The following GOLGA7 variants were observed in gnomAD, a reference collection of about 807,000 sequenced individuals.
GOLGA7 encodes golgin subfamily A member 7.
A neutral mutation model predicts 21.1 loss-of-function variants in GOLGA7; 10 were observed. That is an observed-to-expected ratio of 0.47 (90% CI 0.29 to 0.80). The LOEUF (loss-of-function observed/expected upper bound fraction) is 0.80, where lower values mean the gene tolerates loss of function less well. Ranked by LOEUF, GOLGA7 falls within the 30% of genes least tolerant of loss-of-function variation. GOLGA7 has a pLI of 0.08. For missense variants in GOLGA7, 114 were observed against 166.8 expected, an observed-to-expected ratio of 0.68 and a Z score of 1.74; for synonymous variants, 64 against 62.6, an observed-to-expected ratio of 1.02 and a Z score of -0.10.
rs71521528 is a variant in GOLGA7 at position 41,506,158 on chromosome 8, C to T, written c.366+146C>T. ...GTGAATTGCATACCTACTGTAAACC[C>T]CGTGTCTCCAACATTTTTTTTTAAA... On this transcript the variant is annotated intron_variant, in intron 3 of 4. Transcript: ENST00000357743. 1.0e-3 allele frequency: 522 copies of T among 523,298 alleles called. 1 individual carries two copies. The highest frequency in any genetic ancestry group is 1.5e-3 in the Non-Finnish European group (445 of 299,076). The allele number at this position is 523,298 out of a possible 1,614,324, so 32.4% of individuals were successfully genotyped here.
chr8:41,494,503 G>A (rs540398448), intron 1 of GOLGA7, among the ~76,000 whole-genome samples: 1 of 152,254 alleles, frequency 6.6e-6, no homozygotes, highest in Non-Finnish European at 1.5e-5. Context: ...ACTTATCGGT[G>A]GACAAACTGA....
At chr8:41,505,437 C>G (rs1296646558) in intron 2 of GOLGA7, among the ~76,000 whole-genome samples, 2 of 152,200 alleles carry the variant, frequency 1.3e-5, no homozygotes, top group African/African-American at 4.8e-5. Flanking sequence ...TATATCATTA[C>G]TTTAAATTGA....
intron 3 of GOLGA7, among the ~76,000 whole-genome samples, chr8:41,506,709 TC>T (rs1473048716): frequency 6.6e-6 from 1 of 152,172 alleles, no homozygotes; most frequent in African/African-American, 2.4e-5. Context: ...AAAAAAGTTT[TC>T]ATATAATTTC....
At position 41,510,126 on chromosome 8, in the gene GOLGA7, A is replaced by G. The variant is rs1194644313; in HGVS notation, c.*558A>G. 7 of 152,566 alleles carry G rather than the reference A, an allele frequency of 4.6e-5. No individual in the cohort carries two copies. Among genetic ancestry groups the G allele is most frequent in the Non-Finnish European group, 8.8e-5 (6 of 68,032 alleles). 9.5% of individuals were successfully genotyped at this position (152,566 alleles called of 1,614,324 possible). ...GACTCAAATCTTAAGATCTGTTTCT[A>G]CTATTCAGTTCCTCAAACTGAAGCT... On this transcript the variant is annotated 3_prime_UTR_variant, in exon 5 of 5. Transcript: ENST00000357743.
Position 41,490,702 on chromosome 8 carries a change from G to A in GOLGA7, c.-153G>A, listed in dbSNP as rs1403416546. 2 of 590,634 alleles carry A rather than the reference G, an allele frequency of 3.4e-6. No individual in the cohort carries two copies. The highest frequency in any genetic ancestry group is 3.0e-6 in the Non-Finnish European group (1 of 331,178). The allele number at this position is 590,634 out of a possible 1,614,324, so 36.6% of individuals were successfully genotyped here. On this transcript the variant is annotated 5_prime_UTR_variant, in exon 1 of 5. The change creates a new upstream start codon in the 5' untranslated region. Coordinates refer to ENST00000357743, the MANE Select transcript of GOLGA7 (RefSeq NM_001002296.2). ...GCTAAGGCCCGCGGTGACAGCATGGGTGAAGGGGAGCGGGGCAGAGGAGGC... is the reference window on the plus strand; with the variant it reads ...GCTAAGGCCCGCGGTGACAGCATGGATGAAGGGGAGCGGGGCAGAGGAGGC...
At chr8:41,491,056 G>A in intron 1 of GOLGA7, 91 bp downstream of exon 1, 1 of 772,524 alleles carries the variant, frequency 1.3e-6, no homozygotes, top group South Asian at 1.5e-5. Context: ...GGCCTTTGAG[G>A]GTCCCGCAGT....
chr8:41,501,839 A>G (rs1339931384), intron 2 of GOLGA7, among the ~76,000 whole-genome samples: 4 of 152,258 alleles, frequency 2.6e-5, no homozygotes, highest in Non-Finnish European at 2.9e-5. Context: ...GCAGCTCTCA[A>G]TTAAAAACCT....
chr8:41,501,131 G>A (rs575793348), intron 2 of GOLGA7, among the ~76,000 whole-genome samples: 4 of 152,230 alleles, frequency 2.6e-5, no homozygotes, highest in African/African-American at 9.6e-5. Flanking sequence ...TGAAATAGAA[G>A]TACTGATGTC....
intron 2 of GOLGA7, among the ~76,000 whole-genome samples, chr8:41,501,761 T>A (rs902041672): frequency 1.3e-5 from 2 of 152,202 alleles, no homozygotes; most frequent in African/African-American, 4.8e-5. Flanking sequence ...TCACATATGA[T>A]TTTTTATTTT....
intron 3 of GOLGA7, among the ~76,000 whole-genome samples, chr8:41,506,234 A>G (rs1219043773): frequency 4.0e-5 from 6 of 151,672 alleles, no homozygotes; most frequent in Non-Finnish European, 7.4e-5. Context: ...TTTGTTTACT[A>G]TTCTTGTCAC....
intron 1 of GOLGA7, among the ~76,000 whole-genome samples, chr8:41,493,336 C>T (rs967508649): frequency 9.8e-5 from 15 of 152,312 alleles, no homozygotes; most frequent in Non-Finnish European, 1.9e-4. Flanking sequence ...GAACATCACA[C>T]TTGGCAACAT....
chr8:41,503,733 C>T (rs1806206456), intron 2 of GOLGA7, among the ~76,000 whole-genome samples: 2 of 110,286 alleles, frequency 1.8e-5, no homozygotes, highest in South Asian at 3.1e-4. Flanking sequence ...AGATATGCGG[C>T]ATTATTTCTG....
intron 4 of GOLGA7, among the ~76,000 whole-genome samples, chr8:41,507,971 C>T (rs1005725091): frequency 3.3e-5 from 5 of 152,214 alleles, no homozygotes; most frequent in Admixed American, 6.5e-5. Flanking sequence ...TTTGAGGGCA[C>T]GTACTATGTG....
At chr8:41,505,698 C>T (rs143800509) in intron 2 of GOLGA7, 4 of 437,916 alleles carry the variant, frequency 9.1e-6, no homozygotes, top group Non-Finnish European at 1.6e-5. Context: ...TACATTGTGT[C>T]GAAGATATTT....
At position 41,505,940 on chromosome 8, in the gene GOLGA7, A is replaced by G. The variant is rs1806276059; in HGVS notation, c.294A>G (p.Gln98=). The change falls in exon 3 of 5, where the codon CAA becomes CAG. Residue 98 remains glutamine, a synonymous_variant. Coordinates refer to ENST00000357743, the MANE Select transcript of GOLGA7 (RefSeq NM_001002296.2). Reference sequence around the variant, plus strand: ...TGAAGAAAGTCTCCAAATACATTCAAGAGCAGAATGAGAAGATCTATGCTC... The same window carrying G: ...TGAAGAAAGTCTCCAAATACATTCAGGAGCAGAATGAGAAGATCTATGCTC... ...KVLKKVSKYI[Q]EQNEKIYAPQ... is the part of the protein sequence containing the mutation. The G allele has an allele frequency of 6.3e-7, 1 of 1,597,582 alleles. No homozygotes were observed.
Position 41,505,932 on chromosome 8 carries a change from T to C in GOLGA7, c.286T>C (p.Tyr96His). 5 of 1,589,050 alleles carry C rather than the reference T, an allele frequency of 3.1e-6. No homozygotes were observed. Among genetic ancestry groups the C allele is most frequent in the African/African-American group, 2.7e-5 (2 of 74,136 alleles). ...YEKVLKKVSK[Y>H]IQEQNEKIYA... The stretch of plus-strand genomic sequence containing the variant: ...TCAGGTTCTGAAGAAAGTCTCCAAA[T>C]ACATTCAAGAGCAGAATGAGAAGAT... The change falls in exon 3 of 5, where the codon TAC becomes CAC. Residue 96 changes from tyrosine to histidine, a missense_variant. By Grantham distance (83) the Tyr-to-His change is moderately conservative (BLOSUM62 2). Transcript: ENST00000357743.
rs867774538 is a variant in GOLGA7, at chr8:41,490,966, G to C, written c.111+1G>C. 6.6e-7 allele frequency: 1 copy of C among 1,512,200 alleles called. No individual in the cohort carries two copies. Among genetic ancestry groups the C allele is most frequent in the East Asian group, 2.4e-5 (1 of 42,460 alleles). The allele number at this position is 1,512,200 out of a possible 1,614,324, so 93.7% of individuals were successfully genotyped here. Reference sequence around the variant, plus strand: ...GTTCCCTGCGGAGCTGGAGAACCGGGTACGCAACCTGGCTCCCCACGCCTG... The same window carrying C: ...GTTCCCTGCGGAGCTGGAGAACCGGCTACGCAACCTGGCTCCCCACGCCTG... On this transcript the variant is annotated splice_donor_variant, in intron 1 of 4. Coordinates refer to ENST00000357743, the MANE Select transcript of GOLGA7 (RefSeq NM_001002296.2). LOFTEE classifies it high-confidence loss of function.
intron 3 of GOLGA7, among the ~76,000 whole-genome samples, chr8:41,506,568 G>A (rs542082325): frequency 1.9e-3 from 293 of 152,068 alleles, no homozygotes; most frequent in Non-Finnish European, 3.3e-3. Context: ...TGGAGTAATG[G>A]GTAAATAAAT....
intron 1 of GOLGA7, among the ~76,000 whole-genome samples, chr8:41,496,200 C>A (rs370727300): frequency 5.4e-4 from 82 of 152,064 alleles, no homozygotes; most frequent in African/African-American, 2.0e-3. Context: ...CCTTTGTGAG[C>A]ACGCTTGCAT....
Sources: allele counts gnomAD v4.1 joint callset (sites outside exome capture counted in the v4.1 genomes callset), GRCh38; gene constraint gnomAD v4.1.1; transcripts MANE v1.5; gene names NCBI Gene and HGNC (gene_info 2026-07-23, HGNC 2026-07-21).